ADRA1A: variants seen among roughly 807,000 people sequenced by gnomAD.
ADRA1A encodes the protein adrenoceptor alpha 1A, also known as alpha-1A adrenergic receptor.
Under a neutral mutation model 29.6 loss-of-function variants are expected in ADRA1A, and 31 were observed. That is an observed-to-expected ratio of 1.05 (90% confidence interval 0.79 to 1.41). ADRA1A has a LOEUF of 1.41. Among genes scored for constraint, ADRA1A ranks in the 40% most tolerant of loss-of-function variants. ADRA1A has a pLI of 0.00. For synonymous variants in ADRA1A, 311 were observed against 254.3 expected, an observed-to-expected ratio of 1.22 and a Z score of -2.12; for missense variants, 619 against 601.1, an observed-to-expected ratio of 1.03 and a Z score of -0.31.
At chr8:26,784,407 T>C (rs1173772314) in intron 2 of ADRA1A, among the ~76,000 whole-genome samples, 1 of 152,198 alleles carries the variant, frequency 6.6e-6, no homozygotes, top group African/African-American at 2.4e-5. Flanking sequence ...AATAATAGTT[T>C]CTGGATGTGC....
In ADRA1A at chr8:26,865,416, C is replaced by G; in HGVS notation, c.-447G>C. The stretch of plus-strand genomic sequence containing the variant: ...CATGATTCGGAATTCAAAACTCCAG[C>G]GCCAGTCTCTCCCTCAAACCAAAAG... On this transcript the variant is annotated 5_prime_UTR_variant, in exon 2 of 3. Coordinates refer to ENST00000380573, the MANE Select transcript of ADRA1A (RefSeq NM_000680.4). The surrounding 1 kb of genome is among the most constrained non-coding windows in gnomAD (Gnocchi z 7.6). 1.0e-6 allele frequency: 1 copy of G among 1,003,728 alleles called. No homozygotes were observed. Among genetic ancestry groups the G allele is most frequent in the Non-Finnish European group, 1.2e-6 (1 of 841,056 alleles). The allele number at this position is 1,003,728 out of a possible 1,614,324, so 62.2% of individuals were successfully genotyped here. A position where few individuals can be genotyped will look rare whatever the true frequency, so the allele number is the denominator to read the frequency against.
intron 2 of ADRA1A, among the ~76,000 whole-genome samples, chr8:26,822,651 GGT>G (rs1220117206): frequency 1.7e-4 from 26 of 152,306 alleles, no homozygotes; most frequent in African/African-American, 5.8e-4. Context: ...ACTCAAGGAT[GGT>G]TTAGATACAG....
Position 26,770,269 on chromosome 8 carries a change from T to A in ADRA1A, c.1281A>T (p.Lys427Asn). Residue 427 changes from lysine (K) to asparagine (N), a missense_variant, in exon 3 of 3, where the codon AAA becomes AAT. Transcript: ENST00000380573. ...CACAGCAGCAGACCTGCAAAAAGCT[T>A]TTACTTCTCACCCGGGCTGTGGTAC... ...SSCTTARVRS[K>N]SFLQVCCCVG... 1 of 1,614,130 alleles carries A rather than the reference T, an allele frequency of 6.2e-7. No individual in the cohort carries two copies.
intron 2 of ADRA1A, among the ~76,000 whole-genome samples, chr8:26,789,210 C>A (rs1391051144): frequency 1.3e-5 from 2 of 152,032 alleles, no homozygotes; most frequent in Non-Finnish European, 2.9e-5. Context: ...CAAAGCAATC[C>A]TGAGCAAAAA....
intron 2 of ADRA1A, among the ~76,000 whole-genome samples, chr8:26,845,778 A>G (rs1485608163): frequency 6.6e-6 from 1 of 152,252 alleles, no homozygotes; most frequent in Non-Finnish European, 1.5e-5. Context: ...GTCCTGAAAC[A>G]TACCATAACA....
chr8:26,855,296 T>G (rs1407764727), intron 2 of ADRA1A, among the ~76,000 whole-genome samples: 2 of 152,036 alleles, frequency 1.3e-5, no homozygotes, highest in Non-Finnish European at 2.9e-5. Flanking sequence ...CATCCGTTTT[T>G]GGAAAATAAG....
At chr8:26,765,577 A>G (rs1173592977), downstream of ADRA1A, among the ~76,000 whole-genome samples, 1 of 152,186 alleles carries the variant, frequency 6.6e-6, no homozygotes, top group Non-Finnish European at 1.5e-5. Context: ...TCATAGTTAA[A>G]AGTCCTAGTA....
chr8:26,797,953 T>C (rs537264595), intron 2 of ADRA1A, among the ~76,000 whole-genome samples: 1 of 152,092 alleles, frequency 6.6e-6, no homozygotes, highest in Non-Finnish European at 1.5e-5. Flanking sequence ...TTGATTCAGA[T>C]ACAAATTCTC....
At chr8:26,802,524 G>A (rs906186868) in intron 2 of ADRA1A, among the ~76,000 whole-genome samples, 1 of 152,108 alleles carries the variant, frequency 6.6e-6, no homozygotes, top group Non-Finnish European at 1.5e-5. Flanking sequence ...ACTACAATGA[G>A]TTATCTCACC....
At chr8:26,863,011 G>A (rs1299248131) in intron 2 of ADRA1A, among the ~76,000 whole-genome samples, 1 of 151,344 alleles carries the variant, frequency 6.6e-6, no homozygotes, top group Non-Finnish European at 1.5e-5. Context: ...TGGAACATAA[G>A]TGGCACAAAA....
chr8:26,765,097 C>T (rs1168003176), downstream of ADRA1A, among the ~76,000 whole-genome samples: 2 of 152,228 alleles, frequency 1.3e-5, no homozygotes, highest in African/African-American at 2.4e-5. Flanking sequence ...CAAGCCATGA[C>T]TCAACCATCC....
intron 2 of ADRA1A, among the ~76,000 whole-genome samples, chr8:26,799,348 A>C (rs1808409327): frequency 6.6e-6 from 1 of 151,784 alleles, no homozygotes; most frequent in South Asian, 2.1e-4. Flanking sequence ...CTGGGTGGAG[A>C]AAACAGAGGT....
In ADRA1A at chr8:26,865,568, A is replaced by C. The variant is rs1813849143; in HGVS notation, c.-599T>G. 1 of 989,502 alleles carries C rather than the reference A, an allele frequency of 1.0e-6. No individual in the cohort carries two copies. Among genetic ancestry groups the C allele is most frequent in the Non-Finnish European group, 1.2e-6 (1 of 832,752 alleles). The allele number at this position is 989,502 out of a possible 1,614,324, so 61.3% of individuals were successfully genotyped here. A position where few individuals can be genotyped will look rare whatever the true frequency, so the allele number is the denominator to read the frequency against. The stretch of plus-strand genomic sequence containing the variant: ...CCCACCGAAGGCTCCTGCTCTCTCC[A>C]GCTTCTAGGAGCACAGGTCAGGGGA... On this transcript the variant is annotated 5_prime_UTR_variant, in exon 2 of 3. Transcript: ENST00000380573. The surrounding 1 kb of genome is among the most constrained non-coding windows in gnomAD (Gnocchi z 7.6).
chr8:26,864,766 CA>C lies in ADRA1A; in HGVS notation c.203del (p.Leu68ArgfsTer22). Reference protein sequence around the residue: ...HSVTHYYIVNLAVADLLLTST... With the variant: ...HSVTHYYIVNXAVADLLLTST... ...AGGTGAGCAGGAGGTCGGCCACCGC[CA>C]GGTTGACGATGTAGTAGTGCGTGAC... On this transcript the variant is annotated frameshift_variant, in exon 2 of 3. Coordinates refer to ENST00000380573, the MANE Select transcript of ADRA1A (RefSeq NM_000680.4). LOFTEE classifies it high-confidence loss of function. This position sits in a 1 kb window ranked among gnomAD's most constrained non-coding sequence, Gnocchi z 8.1. 6.2e-7 allele frequency: 1 copy of C among 1,614,146 alleles called. No individual in the cohort carries two copies. The highest frequency in any genetic ancestry group is 8.5e-7 in the Non-Finnish European group (1 of 1,180,026).
chr8:26,828,279 C>A (rs570281301), intron 2 of ADRA1A, among the ~76,000 whole-genome samples: 1 of 152,106 alleles, frequency 6.6e-6, no homozygotes, highest in Non-Finnish European at 1.5e-5. Context: ...ACCAGTCTGC[C>A]TTTTCTTTTT....
intron 2 of ADRA1A, among the ~76,000 whole-genome samples, chr8:26,793,456 GA>G (rs1807972215): frequency 1.3e-5 from 2 of 151,834 alleles, no homozygotes; most frequent in African/African-American, 4.8e-5. Context: ...AAATAAGTTG[GA>G]AAAGAACTAC....
rs530089391 is a variant in ADRA1A at position 26,775,090 on chromosome 8, C to T, written c.884-4424G>A. Among the ~76,000 whole-genome samples, 13 of 152,146 alleles carry T rather than the reference C, an allele frequency of 8.5e-5. No homozygotes were observed. Among genetic ancestry groups the T allele is most frequent in the Non-Finnish European group, 1.6e-4 (11 of 68,018 alleles). On this transcript the variant is annotated intron_variant, in intron 2 of 2. Transcript: ENST00000380573. This position sits in a 1 kb window ranked among gnomAD's most constrained non-coding sequence, Gnocchi z 4.1. The stretch of plus-strand genomic sequence containing the variant: ...GGGGAAGTCCATTCGAGCAGCCATC[C>T]GGCCGGCTTTGCTCACTCACGGAGC...
chr8:26,803,596 A>G lies in ADRA1A; in HGVS notation c.884-32930T>C, dbSNP rs370715242. ...ATAAATAAGCTTGATCAAAATGCAAACTTCTGCTCATCAAAAGATGGCATT... is the reference window on the plus strand; with the variant it reads ...ATAAATAAGCTTGATCAAAATGCAAGCTTCTGCTCATCAAAAGATGGCATT... On this transcript the variant is annotated intron_variant, in intron 2 of 2. Coordinates refer to ENST00000380573, the MANE Select transcript of ADRA1A (RefSeq NM_000680.4). 2.2e-4 allele frequency among the ~76,000 whole-genome samples: 33 copies of G among 152,324 alleles called. No individual in the cohort carries two copies. The East Asian group carries it at 5.4e-3, about 25-fold the overall frequency.
intron 2 of ADRA1A, chr8:26,859,111 G>A (rs756283123): frequency 7.8e-7 from 1 of 1,289,698 alleles, no homozygotes; most frequent in South Asian, 1.2e-5. Context: ...CCCTGCCCTG[G>A]TTTCAGTTTT....
Sources: allele counts gnomAD v4.1 joint callset (sites outside exome capture counted in the v4.1 genomes callset), GRCh38; gene constraint gnomAD v4.1.1; non-coding constraint Gnocchi (gnomAD v3.1); transcripts MANE v1.5; gene names NCBI Gene and HGNC (gene_info 2026-07-23, HGNC 2026-07-21).